PDE1C: variants seen among roughly 807,000 people sequenced by gnomAD.
PDE1C encodes dual specificity calcium/calmodulin-dependent 3',5'-cyclic nucleotide phosphodiesterase 1C.
In PDE1C, 62 loss-of-function variants were observed where a neutral mutation model predicts 93.1. The observed-to-expected ratio is 0.67, with a 90% CI of 0.54 to 0.82. PDE1C has a LOEUF of 0.82. Ranked by LOEUF, PDE1C falls within the 40% of genes least tolerant of loss-of-function variation. PDE1C has a pLI of 0.00. For missense variants in PDE1C, 742 were observed against 884.6 expected, an observed-to-expected ratio of 0.84 and a Z score of 2.04; for synonymous variants, 325 against 310.1, an observed-to-expected ratio of 1.05 and a Z score of -0.50.
chr7:32,177,073 TA>T (rs1377211326), intron 2 of PDE1C, among the ~76,000 whole-genome samples: 2 of 152,176 alleles, frequency 1.3e-5, no homozygotes, highest in Admixed American at 1.3e-4. Context: ...CAATTTTAAG[TA>T]AAAAACATGT....
intron 2 of PDE1C, among the ~76,000 whole-genome samples, chr7:31,983,767 C>A (rs539842358): frequency 6.6e-6 from 1 of 152,124 alleles, no homozygotes; most frequent in Non-Finnish European, 1.5e-5. Context: ...AATTTTAAAA[C>A]CCTCTGATTT....
At chr7:32,096,820 AAGATAGATAGATAGAT>A (rs70989634) in intron 3 of PDE1C, among the ~76,000 whole-genome samples, 4 of 144,592 alleles carry the variant, frequency 2.8e-5, no homozygotes, top group South Asian at 4.7e-4. Flanking sequence ...AGGGGATAGA[AAGATAGATAGATAGAT>A]AGATAGATAG....
chr7:31,744,773 T>G, the PDE1C span, among the ~76,000 whole-genome samples: 1 of 152,140 alleles, frequency 6.6e-6, no homozygotes, highest in Non-Finnish European at 1.5e-5. Flanking sequence ...CCTAGTTTAG[T>G]AAGTGGTGAG....
the PDE1C span, among the ~76,000 whole-genome samples, chr7:31,741,284 C>T: frequency 3.9e-5 from 6 of 152,162 alleles, no homozygotes; most frequent in Admixed American, 1.3e-4. Flanking sequence ...ACTAGATTAA[C>T]TGGTTTTAGC....
intron 2 of PDE1C, among the ~76,000 whole-genome samples, chr7:32,042,752 A>G (rs1050723622): frequency 2.0e-5 from 3 of 152,194 alleles, no homozygotes; most frequent in African/African-American, 7.2e-5. Context: ...TCTCTGTGCT[A>G]ACTGGCAGCT....
chr7:32,226,882 C>T (rs1308776739), intron 1 of PDE1C, among the ~76,000 whole-genome samples: 1 of 152,202 alleles, frequency 6.6e-6, no homozygotes, highest in East Asian at 1.9e-4. Context: ...CCCCAGCCAA[C>T]ACTGCAGCTC....
In PDE1C at chr7:32,389,042, T is replaced by C. The variant is rs142708518; in HGVS notation, c.310+38780A>G. Among the ~76,000 whole-genome samples the C allele has an allele frequency of 7.3e-3, 1,109 of 152,290 alleles. 17 individuals are homozygous for C. The highest frequency in any genetic ancestry group is 0.025 in the African/African-American group (1,040 of 41,564). Reference sequence around the variant, plus strand: ...ATTCAAACTGCAAAATGTCAAATTATATTGAGTTGATTGCCATCAAATTAT... The same window carrying C: ...ATTCAAACTGCAAAATGTCAAATTACATTGAGTTGATTGCCATCAAATTAT... On this transcript the variant is annotated intron_variant, in intron 1 of 1. Transcript: ENST00000672256.
At chr7:32,119,543 A>T (rs181853861) in intron 3 of PDE1C, among the ~76,000 whole-genome samples, 224 of 152,358 alleles carry the variant, frequency 1.5e-3, no homozygotes, top group Non-Finnish European at 1.7e-3. Context: ...GCTCCCATCA[A>T]AAAGAACCAT....
At chr7:32,341,422 A>G (rs1653883) in intron 1 of PDE1C, among the ~76,000 whole-genome samples, 147,621 of 150,024 alleles carry the variant, frequency 0.98, 72,668 homozygotes, top group Middle Eastern at 1. Context: ...TGATCCGCCC[A>G]CCTCGGCCTC....
At chr7:31,876,201 AC>A (rs1439714397) in intron 5 of PDE1C, among the ~76,000 whole-genome samples, 4 of 152,166 alleles carry the variant, frequency 2.6e-5, no homozygotes, top group Admixed American at 2.0e-4. Context: ...AAAGCTTTGA[AC>A]TTCCCCAGTA....
intron 1 of PDE1C, among the ~76,000 whole-genome samples, chr7:32,327,360 G>T (rs1236046712): frequency 6.6e-6 from 1 of 152,080 alleles, no homozygotes; most frequent in African/African-American, 2.4e-5. Flanking sequence ...CCATCACGTG[G>T]ATCAGGAAGT....
intron 1 of PDE1C, among the ~76,000 whole-genome samples, chr7:32,252,066 T>C (rs1422788907): frequency 2.0e-5 from 3 of 152,190 alleles, no homozygotes; most frequent in African/African-American, 7.2e-5. Flanking sequence ...TTATGAATAT[T>C]TTATGCAAAT....
intron 7 of PDE1C, among the ~76,000 whole-genome samples, chr7:31,853,701 C>T (rs1000195934): frequency 6.6e-5 from 10 of 151,124 alleles, no homozygotes; most frequent in African/African-American, 1.2e-4. Flanking sequence ...TTTTTGTTTT[C>T]GTTTTGTTTT....
intron 1 of PDE1C, among the ~76,000 whole-genome samples, chr7:32,368,943 T>C (rs996095936): frequency 1.3e-5 from 2 of 152,058 alleles, no homozygotes; most frequent in East Asian, 1.9e-4. Flanking sequence ...GCTATCTATA[T>C]GCAAAAGAAT....
At chr7:32,043,653 G>A (rs1792139307) in intron 2 of PDE1C, among the ~76,000 whole-genome samples, 1 of 152,086 alleles carries the variant, frequency 6.6e-6, no homozygotes, top group Non-Finnish European at 1.5e-5. Context: ...TTGAGTAGAG[G>A]AAACACAGAG....
intron 17 of PDE1C, among the ~76,000 whole-genome samples, chr7:31,773,378 C>A (rs932787710): frequency 6.6e-6 from 1 of 152,166 alleles, no homozygotes; most frequent in African/African-American, 2.4e-5. Context: ...CCCAGCAGAG[C>A]AAGTGGGTCC....
At chr7:32,311,880 A>G (rs1783054990) in intron 1 of PDE1C, among the ~76,000 whole-genome samples, 1 of 152,184 alleles carries the variant, frequency 6.6e-6, no homozygotes, top group South Asian at 2.1e-4. Context: ...CTCCTATTCA[A>G]CATAGTGTTG....
chr7:31,740,774 G>A, the PDE1C span, among the ~76,000 whole-genome samples: 1 of 152,080 alleles, frequency 6.6e-6, no homozygotes. Flanking sequence ...TCTCATCAAG[G>A]ATTGCATTTT....
chr7:32,198,312 T>C (rs536015675), intron 2 of PDE1C, among the ~76,000 whole-genome samples: 9 of 152,346 alleles, frequency 5.9e-5, no homozygotes, highest in Admixed American at 2.6e-4. Flanking sequence ...AAATAAACTA[T>C]TGGGAAGTCT....
Sources: gnomAD v4.1 joint callset for allele counts (sites outside exome capture counted in the v4.1 genomes callset) on GRCh38, gnomAD v4.1.1 for gene constraint, MANE v1.5 for transcripts, NCBI Gene and HGNC (gene_info 2026-07-23, HGNC 2026-07-21) for gene names.